Variants in IL2RA observed in about 807,000 individuals in gnomAD.
IL2RA encodes interleukin 2 receptor subunit alpha.
In IL2RA, 24 loss-of-function variants were observed where a neutral mutation model predicts 37.8. The observed-to-expected ratio is 0.63, with a 90% CI of 0.46 to 0.89. The LOEUF is 0.89. Ranked by LOEUF, IL2RA falls within the 40% of genes least tolerant of loss-of-function variation. IL2RA has a pLI of 0.00. For missense variants in IL2RA, 319 were observed against 348.6 expected (o/e 0.92, Z 0.68); for synonymous variants, 125 against 114.6 (o/e 1.09, Z -0.58).
At chr10:6,040,735 C>T (rs1589304538) in intron 1 of IL2RA, among the ~76,000 whole-genome samples, 2 of 151,962 alleles carry the variant, frequency 1.3e-5, no homozygotes, top group Non-Finnish European at 1.5e-5. Context: ...AAAGAACCCT[C>T]GTTATTAGTG....
At chr10:6,060,616 G>A (rs772986183) in intron 1 of IL2RA, among the ~76,000 whole-genome samples, 21 of 152,072 alleles carry the variant, frequency 1.4e-4, no homozygotes, top group Non-Finnish European at 2.6e-4. Flanking sequence ...TTAGCTGGTC[G>A]TGGTGGTGCA....
In IL2RA at chr10:6,024,299, C is replaced by T. The variant is rs770226758; in HGVS notation, c.312G>A (p.Arg104=). 1 of 1,614,134 alleles carries T rather than the reference C, an allele frequency of 6.2e-7. No individual in the cohort carries two copies. The highest frequency in any genetic ancestry group is 8.5e-7 in the Non-Finnish European group (1 of 1,180,010). The change falls in exon 3 of 8, where the codon AGG becomes AGA. Residue 104 remains arginine (R), a synonymous_variant. Coordinates refer to ENST00000379959, the MANE Select transcript of IL2RA (RefSeq NM_000417.3). ...VTPQPEEQKE[R]KTTEMQSPMQ... Reference sequence around the variant, plus strand: ...TTGGACTTTGCATTTCTGTGGTTTTCCTTTCTTTCTGTTCTTCAGGTTGAG... The same window carrying T: ...TTGGACTTTGCATTTCTGTGGTTTTTCTTTCTTTCTGTTCTTCAGGTTGAG...
Position 6,029,490 on chromosome 10 carries a change from T to C in IL2RA, c.65-3465A>G, listed in dbSNP as rs4749920. On this transcript the variant is annotated intron_variant, in intron 1 of 7. Coordinates refer to ENST00000379959, the MANE Select transcript of IL2RA (RefSeq NM_000417.3). This position sits in a 1 kb window ranked among gnomAD's most constrained non-coding sequence, Gnocchi z 4.6. ...GTTTATTTTTATAAATAAAGTTTTA[T>C]TGGAAGAAAGACACACCCATTTATT... Among the ~76,000 whole-genome samples the C allele has an allele frequency of 0.2, 31,084 of 152,028 alleles. 3,622 individuals are homozygous for C. The highest frequency in any genetic ancestry group is 0.26 in the East Asian group (1,342 of 5,164).
At position 6,015,008 on chromosome 10, in the gene IL2RA, G is replaced by A. The variant is rs1047362966; in HGVS notation, c.795-2112C>T. On this transcript the variant is annotated intron_variant, in intron 7 of 7. Transcript: ENST00000379959. This position sits in a 1 kb window ranked among gnomAD's most constrained non-coding sequence, Gnocchi z 4.9. ...GGTTGGCCAGAGTGGATGCTGGCAG[G>A]GGTCAGGGAGGCCCTGGATAATCAA... Among the ~76,000 whole-genome samples the A allele has an allele frequency of 4.6e-5, 7 of 152,230 alleles. No homozygotes were observed. Among genetic ancestry groups the A allele is most frequent in the Admixed American group, 2.0e-4 (3 of 15,288 alleles).
At position 6,015,619 on chromosome 10, in the gene IL2RA, A is replaced by G. The variant is rs945758381; in HGVS notation, c.794+2434T>C. ...AAGTTGACACATAATAGTTATATATATTTATGAGGTATGTAGGGATGCTTT... is the reference window on the plus strand; with the variant it reads ...AAGTTGACACATAATAGTTATATATGTTTATGAGGTATGTAGGGATGCTTT... On this transcript the variant is annotated intron_variant, in intron 7 of 7. Transcript: ENST00000379959. This position sits in a 1 kb window ranked among gnomAD's most constrained non-coding sequence, Gnocchi z 4.9. 5.3e-5 allele frequency among the ~76,000 whole-genome samples: 8 copies of G among 152,232 alleles called. No individual in the cohort carries two copies. The highest frequency in any genetic ancestry group is 1.4e-4 in the African/African-American group (6 of 41,450).
chr10:6,019,856 G>A lies in IL2RA; in HGVS notation c.655+14C>T, dbSNP rs1292866991. On this transcript the variant is annotated intron_variant, in intron 5 of 7. Transcript: ENST00000379959. ...ACTAGGCCTCTGTGGTCCAGCGTTT[G>A]TCTTCTCCCGCACCTGTTGTTGTGA... The A allele has an allele frequency of 3.1e-6, 5 of 1,613,350 alleles. No individual in the cohort carries two copies. Among genetic ancestry groups the A allele is most frequent in the Non-Finnish European group, 4.2e-6 (5 of 1,179,356 alleles).
chr10:6,027,124 C>G (rs1046341310), intron 1 of IL2RA, among the ~76,000 whole-genome samples: 1 of 152,110 alleles, frequency 6.6e-6, no homozygotes, highest in African/African-American at 2.4e-5. Flanking sequence ...CAGTTCAAAA[C>G]CAGCCTGGCC....
chr10:6,039,209 G>A (rs555744457), intron 1 of IL2RA, among the ~76,000 whole-genome samples: 51 of 152,198 alleles, frequency 3.4e-4, no homozygotes, highest in African/African-American at 8.7e-4. Flanking sequence ...AAGTCAGTAC[G>A]TATTGCTAAA....
intron 1 of IL2RA, among the ~76,000 whole-genome samples, chr10:6,050,647 A>G: frequency 6.6e-6 from 1 of 152,194 alleles, no homozygotes; most frequent in Non-Finnish European, 1.5e-5. Flanking sequence ...CTGTCTCAAA[A>G]AAAAGGTGGT....
chr10:6,047,572 T>G lies in IL2RA; in HGVS notation c.64+14516A>C, dbSNP rs1416650006. Among the ~76,000 whole-genome samples the G allele has an allele frequency of 6.6e-6, 1 of 151,978 alleles. No individual in the cohort carries two copies. Among genetic ancestry groups the G allele is most frequent in the Non-Finnish European group, 1.5e-5 (1 of 68,004 alleles). ...ATGTTCTCGGCTTCCCAGACACCAATGAAGGAGCTTATTATGAATATGAAG... is the reference window on the plus strand; with the variant it reads ...ATGTTCTCGGCTTCCCAGACACCAAGGAAGGAGCTTATTATGAATATGAAG... On this transcript the variant is annotated intron_variant, in intron 1 of 7. Transcript: ENST00000379959. This position sits in a 1 kb window ranked among gnomAD's most constrained non-coding sequence, Gnocchi z 5.0.
In IL2RA at chr10:6,046,249, G is replaced by A. The variant is rs1176070965; in HGVS notation, c.64+15839C>T. Among the ~76,000 whole-genome samples the A allele has an allele frequency of 6.6e-6, 1 of 152,204 alleles. No individual in the cohort carries two copies. The highest frequency in any genetic ancestry group is 1.5e-5 in the Non-Finnish European group (1 of 68,032). ...CACAGACAATGACAATCCAAATGTG[G>A]AAACACAGGGAGAAAACCATGGGAA... is the stretch of plus-strand genomic sequence containing the variant. On this transcript the variant is annotated intron_variant, in intron 1 of 7. Coordinates refer to ENST00000379959, the MANE Select transcript of IL2RA (RefSeq NM_000417.3). The surrounding 1 kb of genome is among the most constrained non-coding windows in gnomAD (Gnocchi z 4.8).
At chr10:6,049,666 C>T (rs1839916852) in intron 1 of IL2RA, among the ~76,000 whole-genome samples, 1 of 152,208 alleles carries the variant, frequency 6.6e-6, no homozygotes, top group Non-Finnish European at 1.5e-5. Context: ...AGACTTTGCT[C>T]CCTTTTCTTT....
Position 6,046,996 on chromosome 10 carries a change from C to T in IL2RA, c.64+15092G>A, listed in dbSNP as rs1159398694. Among the ~76,000 whole-genome samples the T allele has an allele frequency of 6.6e-6, 1 of 152,164 alleles. No individual in the cohort carries two copies. Among genetic ancestry groups the T allele is most frequent in the Non-Finnish European group, 1.5e-5 (1 of 68,040 alleles). On this transcript the variant is annotated intron_variant, in intron 1 of 7. Coordinates refer to ENST00000379959, the MANE Select transcript of IL2RA (RefSeq NM_000417.3). This position sits in a 1 kb window ranked among gnomAD's most constrained non-coding sequence, Gnocchi z 4.8. ...TCAGCACAGTGCTGAGAAGATCCTG[C>T]TTTTTACTCGGGTGTGGGACAAGTA...
intron 1 of IL2RA, among the ~76,000 whole-genome samples, chr10:6,039,961 A>C (rs791591): frequency 0.93 from 142,307 of 152,284 alleles, 66,676 homozygotes; most frequent in East Asian, 1. Context: ...GTTCAACTGG[A>C]AGGTTAGGCA....
At position 6,025,400 on chromosome 10, in the gene IL2RA, A is replaced by T. The variant is rs1839465643; in HGVS notation, c.256+434T>A. On this transcript the variant is annotated intron_variant, in intron 2 of 7. Transcript: ENST00000379959. This position sits in a 1 kb window ranked among gnomAD's most constrained non-coding sequence, Gnocchi z 4.4. ...GCCGGGCACTGTGACTCATGCCTGT[A>T]ATCCCAGCATTTTGGGTGGCTGAGA... 6.6e-6 allele frequency among the ~76,000 whole-genome samples: 1 copy of T among 151,344 alleles called. No homozygotes were observed. The highest frequency in any genetic ancestry group is 2.4e-5 in the African/African-American group (1 of 41,092).
Position 6,014,509 on chromosome 10 carries a change from G to C in IL2RA, c.795-1613C>G, listed in dbSNP as rs142632982. ...TTATTTGTTTCACAACATAAACACT[G>C]AACCATTCCTACTTCCAAATAGCTT... On this transcript the variant is annotated intron_variant, in intron 7 of 7. Coordinates refer to ENST00000379959, the MANE Select transcript of IL2RA (RefSeq NM_000417.3). The surrounding 1 kb of genome is among the most constrained non-coding windows in gnomAD (Gnocchi z 4.4). Among the ~76,000 whole-genome samples, 9 of 152,318 alleles carry C rather than the reference G, an allele frequency of 5.9e-5. No individual in the cohort carries two copies. The highest frequency in any genetic ancestry group is 2.2e-4 in the African/African-American group (9 of 41,570).
intron 1 of IL2RA, among the ~76,000 whole-genome samples, chr10:6,032,519 T>C (rs535880364): frequency 3.8e-4 from 58 of 151,814 alleles, no homozygotes; most frequent in Middle Eastern, 3.4e-3. Flanking sequence ...GGTGAAACCC[T>C]GTCTCTACTA....
At chr10:6,051,544 G>T (rs1839959248) in intron 1 of IL2RA, among the ~76,000 whole-genome samples, 1 of 141,534 alleles carries the variant, frequency 7.1e-6, no homozygotes, top group Non-Finnish European at 1.5e-5. Context: ...TTTTGAGACG[G>T]AGTTTCCCTC....
chr10:6,010,786 C>T lies in IL2RA; in HGVS notation c.*2086G>A, dbSNP rs1839180556. On this transcript the variant is annotated 3_prime_UTR_variant, in exon 8 of 8. Coordinates refer to ENST00000379959, the MANE Select transcript of IL2RA (RefSeq NM_000417.3). ...GACATCATCACGTATCACATAGCTT[C>T]TGGAAAATTCCACCATACACTTTTG... 1 of 152,078 alleles carries T rather than the reference C, an allele frequency of 6.6e-6. No individual in the cohort carries two copies. Among genetic ancestry groups the T allele is most frequent in the African/African-American group, 2.4e-5 (1 of 41,386 alleles). 9.4% of individuals were successfully genotyped at this position (152,078 alleles called of 1,614,324 possible).
Sources: allele counts gnomAD v4.1 joint callset (sites outside exome capture counted in the v4.1 genomes callset), GRCh38; gene constraint gnomAD v4.1.1; non-coding constraint Gnocchi (gnomAD v3.1); transcripts MANE v1.5; gene names NCBI Gene and HGNC (gene_info 2026-07-23, HGNC 2026-07-21).